PIEZO2: variants seen among roughly 807,000 people sequenced by gnomAD.
PIEZO2 encodes the protein piezo type mechanosensitive ion channel component 2.
A neutral mutation model predicts 337.3 loss-of-function variants in PIEZO2; 172 were observed. That is an observed-to-expected ratio of 0.51 (90% confidence interval 0.45 to 0.58). The LOEUF is 0.58. Among genes scored for constraint, PIEZO2 ranks in the 20% least tolerant of loss-of-function variants. The probability of loss-of-function intolerance (pLI) is 0.00; values close to 1 mark genes in which losing one functional copy is unlikely to be tolerated. For synonymous variants in PIEZO2, 1,251 were observed against 1,228.5 expected, an observed-to-expected ratio of 1.02 and a Z score of -0.38; for missense variants, 3,028 against 3,391.3, an observed-to-expected ratio of 0.89 and a Z score of 2.66.
intron 3 of PIEZO2, among the ~76,000 whole-genome samples, chr18:10,946,050 A>T (rs964156271): frequency 6.6e-6 from 1 of 152,180 alleles, no homozygotes; most frequent in African/African-American, 2.4e-5. Flanking sequence ...ATGTAATTGG[A>T]CCCCAAAATC....
At chr18:10,696,573 T>C in intron 45 of PIEZO2, 34 bp from the exon 46 acceptor site, 4 of 1,610,920 alleles carry the variant, frequency 2.5e-6, no homozygotes, top group Non-Finnish European at 3.4e-6. Context: ...CCAACCCACT[T>C]GTTTCAGGAA....
intron 3 of PIEZO2, among the ~76,000 whole-genome samples, chr18:10,960,975 G>A (rs1031047035): frequency 1.4e-4 from 22 of 151,984 alleles, no homozygotes; most frequent in African/African-American, 3.1e-4. Context: ...TCAGGAGATC[G>A]AGACCATCCT....
chr18:10,910,811 A>G (rs1810706813), intron 4 of PIEZO2, among the ~76,000 whole-genome samples: 1 of 152,118 alleles, frequency 6.6e-6, no homozygotes, highest in Admixed American at 6.5e-5. Context: ...CAATAGAAAT[A>G]TAAACTTTTC....
At chr18:11,144,356 G>A (rs62085277) in intron 1 of PIEZO2, among the ~76,000 whole-genome samples, 22 of 152,150 alleles carry the variant, frequency 1.4e-4, no homozygotes, top group Non-Finnish European at 2.9e-4. Context: ...AAGTGTGACA[G>A]AAAAGCAAGT....
At chr18:11,147,896 G>A (rs1350808407) in intron 1 of PIEZO2, among the ~76,000 whole-genome samples, 1 of 152,278 alleles carries the variant, frequency 6.6e-6, no homozygotes, top group Non-Finnish European at 1.5e-5. Flanking sequence ...GAGGGCGGCC[G>A]CTGGGAGGCG....
At chr18:11,123,643 C>A (rs1179890376) in intron 1 of PIEZO2, among the ~76,000 whole-genome samples, 1 of 152,082 alleles carries the variant, frequency 6.6e-6, no homozygotes, top group Non-Finnish European at 1.5e-5. Context: ...CCCATCTCTA[C>A]TAAAAATACA....
At chr18:11,123,702 T>G (rs377069938) in intron 1 of PIEZO2, among the ~76,000 whole-genome samples, 6 of 151,792 alleles carry the variant, frequency 4.0e-5, no homozygotes, top group African/African-American at 1.5e-4. Context: ...CCCAGCTACT[T>G]GGGAGGCTGA....
At chr18:10,992,788 G>T (rs2145564065) in intron 2 of PIEZO2, among the ~76,000 whole-genome samples, 1 of 152,206 alleles carries the variant, frequency 6.6e-6, no homozygotes, top group Middle Eastern at 3.4e-3. Flanking sequence ...AGCTTGATGG[G>T]GATAGCATTG....
At chr18:10,967,011 G>GTTTTTTTTTTTTTTT (rs1368023375) in intron 3 of PIEZO2, among the ~76,000 whole-genome samples, 2 of 109,392 alleles carry the variant, frequency 1.8e-5, no homozygotes, top group African/African-American at 3.6e-5. Flanking sequence ...CATTTTCTCT[G>GTTTTTTTTTTTTTTT]TTTTTTGTTT....
chr18:10,965,059 C>T (rs924887951), intron 3 of PIEZO2, among the ~76,000 whole-genome samples: 5 of 152,132 alleles, frequency 3.3e-5, no homozygotes, highest in Non-Finnish European at 1.5e-5. Flanking sequence ...TCATGGATAA[C>T]ATGAATAGTG....
At chr18:11,138,857 T>C (rs1035684907) in intron 1 of PIEZO2, among the ~76,000 whole-genome samples, 2 of 152,182 alleles carry the variant, frequency 1.3e-5, no homozygotes, top group Admixed American at 6.5e-5. Flanking sequence ...CCATGAACCA[T>C]AGCACAGAGG....
chr18:10,881,941 C>T (rs2042432205), intron 4 of PIEZO2, among the ~76,000 whole-genome samples: 1 of 152,160 alleles, frequency 6.6e-6, no homozygotes, highest in African/African-American at 2.4e-5. Context: ...ACTCTTTCTT[C>T]CAGGCTCCTC....
chr18:10,955,899 T>C (rs913601147), intron 3 of PIEZO2, among the ~76,000 whole-genome samples: 8 of 152,210 alleles, frequency 5.3e-5, no homozygotes, highest in African/African-American at 1.7e-4. Context: ...ATCCCCAGCA[T>C]TAGAACAGTA....
chr18:10,700,366 A>G (rs953599997), intron 43 of PIEZO2, among the ~76,000 whole-genome samples: 3 of 152,046 alleles, frequency 2.0e-5, no homozygotes, highest in Non-Finnish European at 4.4e-5. Context: ...GCTATGGGGT[A>G]GCTTGTCTTC....
chr18:10,702,977 A>C (rs565133004), intron 42 of PIEZO2, among the ~76,000 whole-genome samples: 3 of 152,278 alleles, frequency 2.0e-5, no homozygotes, highest in Admixed American at 2.0e-4. Context: ...TCTGCCTCCC[A>C]AGTAGCTTGG....
At chr18:10,938,427 C>T (rs962785438) in intron 3 of PIEZO2, among the ~76,000 whole-genome samples, 103 of 152,188 alleles carry the variant, frequency 6.8e-4, no homozygotes, top group Non-Finnish European at 5.4e-4. Context: ...TAGGCACTGA[C>T]TTCTGCCAAA....
chr18:10,998,357 TACACAC>T (rs10564435), intron 2 of PIEZO2, among the ~76,000 whole-genome samples: 63 of 149,746 alleles, frequency 4.2e-4, no homozygotes, highest in African/African-American at 7.1e-4. Context: ...CACATACACA[TACACAC>T]ACACACACAC....
Position 10,929,446 on chromosome 18 carries a change from T to C in PIEZO2, c.287-18218A>G, listed in dbSNP as rs182765368. On this transcript the variant is annotated intron_variant, in intron 3 of 55. Coordinates refer to ENST00000674853, the MANE Select transcript of PIEZO2 (RefSeq NM_001378183.1). This position sits in a 1 kb window ranked among gnomAD's most constrained non-coding sequence, Gnocchi z 5.6. ...TGTTTTCCCATATCTTTAAGTAAGATTGGAATGTTTGAACAAAATGCTTTT... is the reference window on the plus strand; with the variant it reads ...TGTTTTCCCATATCTTTAAGTAAGACTGGAATGTTTGAACAAAATGCTTTT... 2.0e-5 allele frequency among the ~76,000 whole-genome samples: 3 copies of C among 152,336 alleles called. No homozygotes were observed. The highest frequency in any genetic ancestry group is 6.5e-5 in the Admixed American group (1 of 15,308).
At position 10,724,556 on chromosome 18, in the gene PIEZO2, C is replaced by T. The variant is rs2036449625; in HGVS notation, c.5030-6297G>A. The T allele has an allele frequency of 1.8e-6, 1 of 553,068 alleles. No homozygotes were observed. Among genetic ancestry groups the T allele is most frequent in the East Asian group, 2.9e-5 (1 of 34,658 alleles). The allele number at this position is 553,068 out of a possible 1,614,324, so 34.3% of individuals were successfully genotyped here. On this transcript the variant is annotated intron_variant, in intron 36 of 55. Coordinates refer to ENST00000674853, the MANE Select transcript of PIEZO2 (RefSeq NM_001378183.1). This position sits in a 1 kb window ranked among gnomAD's most constrained non-coding sequence, Gnocchi z 5.8. Reference sequence around the variant, plus strand: ...CTGGTCTCCACATACCCTTCTGTGTCCCCAGAAGTCGACAGTGTGGGGAGT... The same window carrying T: ...CTGGTCTCCACATACCCTTCTGTGTTCCCAGAAGTCGACAGTGTGGGGAGT...
Sources: allele counts gnomAD v4.1 joint callset (sites outside exome capture counted in the v4.1 genomes callset), GRCh38; gene constraint gnomAD v4.1.1; non-coding constraint Gnocchi (gnomAD v3.1); transcripts MANE v1.5; gene names NCBI Gene and HGNC (gene_info 2026-07-23, HGNC 2026-07-21).